The following GRIN3A variants were observed in gnomAD, a reference collection of about 807,000 sequenced individuals.
GRIN3A encodes glutamate ionotropic receptor NMDA type subunit 3A.
In GRIN3A, 47 loss-of-function variants were observed where a neutral mutation model predicts 92.4. The ratio of observed to expected loss-of-function variants is 0.51; its 90% CI spans 0.40 to 0.65. The LOEUF (loss-of-function observed/expected upper bound fraction) is 0.65, where lower values mean the gene tolerates loss of function less well. GRIN3A is among the 30% of genes least tolerant of loss of function. The pLI is 0.00. For missense variants in GRIN3A, 1,324 were observed against 1,393.1 expected, an observed-to-expected ratio of 0.95 and a Z score of 0.79; for synonymous variants, 527 against 540.6, an observed-to-expected ratio of 0.97 and a Z score of 0.35.
intron 1 of GRIN3A, among the ~76,000 whole-genome samples, chr9:101,726,499 A>G (rs1284790043): frequency 6.6e-6 from 1 of 152,136 alleles, no homozygotes; most frequent in Non-Finnish European, 1.5e-5. Flanking sequence ...GTAAGATTTC[A>G]GCACAAATTC....
At chr9:101,602,426 A>G (rs552392787) in intron 6 of GRIN3A, among the ~76,000 whole-genome samples, 20 of 152,150 alleles carry the variant, frequency 1.3e-4, no homozygotes, top group Non-Finnish European at 2.4e-4. Flanking sequence ...TCCTCTCTGC[A>G]CAGGGAATAG....
chr9:101,600,414 T>A (rs989227084), intron 6 of GRIN3A, among the ~76,000 whole-genome samples: 1 of 152,218 alleles, frequency 6.6e-6, no homozygotes, highest in African/African-American at 2.4e-5. Context: ...CCTGTTCTCC[T>A]GGAGCTTACA....
At chr9:101,667,427 T>C (rs763281368) in intron 3 of GRIN3A, among the ~76,000 whole-genome samples, 1 of 151,954 alleles carries the variant, frequency 6.6e-6, no homozygotes, top group Non-Finnish European at 1.5e-5. Context: ...TGTAATGAGT[T>C]GAAGGTGATC....
chr9:101,614,092 TAAG>T (rs1199985080), intron 5 of GRIN3A, among the ~76,000 whole-genome samples: 5 of 152,068 alleles, frequency 3.3e-5, no homozygotes, highest in African/African-American at 9.7e-5. Context: ...AATAAATAAA[TAAG>T]AAGTAATACT....
At chr9:101,644,868 A>G (rs1828916320) in intron 3 of GRIN3A, among the ~76,000 whole-genome samples, 1 of 151,620 alleles carries the variant, frequency 6.6e-6, no homozygotes, top group Non-Finnish European at 1.5e-5. Flanking sequence ...TTTTCCCTCT[A>G]TTTTTTATTA....
rs1278149761 is a variant in GRIN3A, at chr9:101,670,672, G to A, written c.1740C>T (p.Cys580=). The change falls in exon 3 of 9, where the codon TGC becomes TGT. Residue 580 remains cysteine (C), a synonymous_variant. Transcript: ENST00000361820. The part of the protein sequence containing the change: ...IKFKKCCYGY[C]IDLLEKIAED... Reference sequence around the variant, plus strand: ...CTGCTATCTTTTCCAGCAGATCAATGCAATATCCATAGCAGCACTTCTTGA... The same window carrying A: ...CTGCTATCTTTTCCAGCAGATCAATACAATATCCATAGCAGCACTTCTTGA... 1 of 1,613,958 alleles carries A rather than the reference G, an allele frequency of 6.2e-7. No individual in the cohort carries two copies. Among genetic ancestry groups the A allele is most frequent in the South Asian group, 1.1e-5 (1 of 91,078 alleles).
At chr9:101,671,177 T>TGAACA in intron 2 of GRIN3A, 70 bp from the exon 3 acceptor site, 4 of 1,039,240 alleles carry the variant, frequency 3.8e-6, no homozygotes, top group Non-Finnish European at 6.1e-6. Flanking sequence ...AGTGTTCAGC[T>TGAACA]TTGCTTCCTT....
chr9:101,619,186 C>T (rs1028079915), intron 5 of GRIN3A, among the ~76,000 whole-genome samples: 1 of 152,178 alleles, frequency 6.6e-6, no homozygotes, highest in Admixed American at 6.5e-5. Flanking sequence ...AATAGCATCT[C>T]AGATAGGGTT....
chr9:101,702,094 G>A (rs750264025), intron 1 of GRIN3A, among the ~76,000 whole-genome samples: 25 of 152,238 alleles, frequency 1.6e-4, no homozygotes, highest in South Asian at 2.1e-4. Flanking sequence ...TTGAGGCCAG[G>A]AGTTCAAGAC....
At chr9:101,714,620 T>C (rs1207577369) in intron 1 of GRIN3A, among the ~76,000 whole-genome samples, 1 of 152,162 alleles carries the variant, frequency 6.6e-6, no homozygotes, top group Admixed American at 6.5e-5. Context: ...ACCTGATGTA[T>C]AGGGGATAAA....
chr9:101,613,581 C>T, intron 5 of GRIN3A, 54 bp from the exon 6 acceptor site: 1 of 1,552,800 alleles, frequency 6.4e-7, no homozygotes, highest in Non-Finnish European at 8.9e-7. Flanking sequence ...TGAGAGATTG[C>T]CACCACAGTA....
intron 6 of GRIN3A, among the ~76,000 whole-genome samples, chr9:101,586,014 A>G (rs1381905016): frequency 6.6e-6 from 1 of 151,994 alleles, no homozygotes; most frequent in African/African-American, 2.4e-5. Flanking sequence ...TTGCCACTTG[A>G]GGGTATTTTC....
Position 101,687,181 on chromosome 9 carries a change from A to C in GRIN3A, c.719T>G (p.Leu240Arg). The C allele has an allele frequency of 6.2e-7, 1 of 1,613,880 alleles. No homozygotes were observed. The highest frequency in any genetic ancestry group is 1.6e-4 in the Middle Eastern group (1 of 6,062). Residue 240 changes from leucine (L) to arginine (R), a missense_variant, in exon 2 of 9, where the codon CTG becomes CGG. Physicochemically the swap from Leu to Arg is moderately radical, Grantham distance 102. Transcript: ENST00000361820. ...AGAACTTAATGAATTTTCTAAACTC[A>C]GTTGTAGGTGAAGGGGATTCTGTAT... ...RESQNPLHLQ[L>R]SLENSLSSDA... is the part of the protein sequence containing the mutation.
intron 2 of GRIN3A, among the ~76,000 whole-genome samples, chr9:101,671,758 A>C (rs975831578): frequency 3.9e-5 from 6 of 152,208 alleles, no homozygotes; most frequent in African/African-American, 7.2e-5. Flanking sequence ...AAAAGATGAT[A>C]AATCAACTTG....
rs145587197 is a variant in GRIN3A, at chr9:101,573,686, C to T, written c.3009-173G>A. On this transcript the variant is annotated intron_variant, in intron 8 of 8. Transcript: ENST00000361820. ...AGGGTGTCATGGGGCAATAAAGAGT[C>T]ATGAACATACAAAAGTTCAAGTCCC... Among the ~76,000 whole-genome samples the T allele has an allele frequency of 1.0e-3, 156 of 151,126 alleles. 1 individual carries two copies. The highest frequency in any genetic ancestry group is 3.6e-3 in the African/African-American group (148 of 41,184).
chr9:101,590,392 ATTTT>A (rs1256564896), intron 6 of GRIN3A, among the ~76,000 whole-genome samples: 61 of 109,084 alleles, frequency 5.6e-4, no homozygotes, highest in African/African-American at 1.8e-3. Flanking sequence ...TTATTTATTT[ATTTT>A]TTTGAGATGG....
chr9:101,666,150 C>T (rs1394075427), intron 3 of GRIN3A, among the ~76,000 whole-genome samples: 1 of 151,884 alleles, frequency 6.6e-6, no homozygotes, highest in Non-Finnish European at 1.5e-5. Context: ...TGGTGCATTC[C>T]TTCAAACAGA....
chr9:101,570,348 G>T lies in GRIN3A; in HGVS notation c.*2826C>A, dbSNP rs376030234. ...TGTGTTTTTTTTGAGCCTCAAAGGA[G>T]TTGAAAGAACAGAGGCAGAGCTGAA... On this transcript the variant is annotated 3_prime_UTR_variant, in exon 9 of 9. Coordinates refer to ENST00000361820, the MANE Select transcript of GRIN3A (RefSeq NM_133445.3). The T allele has an allele frequency of 2.0e-5, 3 of 152,504 alleles. No homozygotes were observed. The East Asian group carries it at 5.8e-4, about 29-fold the overall frequency. 9.4% of individuals were successfully genotyped at this position (152,504 alleles called of 1,614,324 possible). A position where few individuals can be genotyped will look rare whatever the true frequency, so the allele number is the denominator to read the frequency against.
chr9:101,675,010 T>A lies in GRIN3A; in HGVS notation c.1305-3903A>T, dbSNP rs532123964. 2.0e-3 allele frequency among the ~76,000 whole-genome samples: 300 copies of A among 152,078 alleles called. 6 individuals carry two copies. Among genetic ancestry groups the A allele is most frequent in the Non-Finnish European group, 1.9e-4 (13 of 67,904 alleles). The stretch of plus-strand genomic sequence containing the variant: ...TTTAACAGAGATCTACATTAGTTAA[T>A]ATTGGTCTGGAGGCAAGTAAAATGC... On this transcript the variant is annotated intron_variant, in intron 2 of 8. Coordinates refer to ENST00000361820, the MANE Select transcript of GRIN3A (RefSeq NM_133445.3).
Sources: allele counts gnomAD v4.1 joint callset (sites outside exome capture counted in the v4.1 genomes callset), GRCh38; gene constraint gnomAD v4.1.1; transcripts MANE v1.5; gene names NCBI Gene and HGNC (gene_info 2026-07-23, HGNC 2026-07-21).